The following LAMB1 variants were observed in gnomAD, a reference collection of about 807,000 sequenced individuals.
The protein encoded by LAMB1 is laminin subunit beta 1.
LAMB1 carries 121 observed loss-of-function variants against 222.3 expected under a neutral mutation model. The ratio of observed to expected loss-of-function variants is 0.54; its 90% CI spans 0.47 to 0.63. The LOEUF (loss-of-function observed/expected upper bound fraction) is 0.63, where lower values mean the gene tolerates loss of function less well. Ranked by LOEUF, LAMB1 falls within the 30% of genes least tolerant of loss-of-function variation. The pLI is 0.00. For synonymous variants in LAMB1, 794 were observed against 807.2 expected, an observed-to-expected ratio of 0.98 and a Z score of 0.28; for missense variants, 2,172 against 2,240.8, an observed-to-expected ratio of 0.97 and a Z score of 0.62.
intron 27 of LAMB1, among the ~76,000 whole-genome samples, chr7:107,933,701 G>C (rs928073201): frequency 1.6e-4 from 24 of 152,058 alleles, no homozygotes; most frequent in Non-Finnish European, 2.6e-4. Flanking sequence ...TCTACACAAG[G>C]AAATGGCAGT....
At chr7:107,934,902 T>TAA (rs60067306) in intron 27 of LAMB1, among the ~76,000 whole-genome samples, 2 of 76,814 alleles carry the variant, frequency 2.6e-5, no homozygotes, top group Non-Finnish European at 4.8e-5. Flanking sequence ...TCCATCTCTT[T>TAA]AAAAAAAAAA....
At position 108,001,565 on chromosome 7, in the gene LAMB1, T is replaced by C; in HGVS notation, c.206A>G (p.His69Arg). The change falls in exon 3 of 34, where the codon CAC (histidine) becomes CGC (arginine). Residue 69 changes from histidine (H) to arginine (R), a missense_variant. His to Arg is a conservative substitution (Grantham distance 29). Coordinates refer to ENST00000222399, the MANE Select transcript of LAMB1 (RefSeq NM_002291.3). ...HKPEPYCIVS[H>R]LQEDKKCFIC... ...CCCGCTCTCAGCCCTCACCTGCAAG[T>C]GGCTGACGATACAGTAGGGTTCGGG... 1 of 1,597,866 alleles carries C rather than the reference T, an allele frequency of 6.3e-7. No homozygotes were observed. The highest frequency in any genetic ancestry group is 8.6e-7 in the Non-Finnish European group (1 of 1,168,400).
intron 3 of LAMB1, among the ~76,000 whole-genome samples, chr7:107,999,005 C>G (rs111769935): frequency 1.1e-3 from 172 of 152,332 alleles, no homozygotes; most frequent in African/African-American, 3.7e-3. Context: ...TTCGTTTCCA[C>G]CCTGCCCGAG....
At position 108,002,839 on chromosome 7, in the gene LAMB1, A is replaced by G; in HGVS notation, c.37+10T>C. 1.2e-6 allele frequency: 2 copies of G among 1,614,058 alleles called. No individual in the cohort carries two copies. The highest frequency in any genetic ancestry group is 2.2e-5 in the South Asian group (2 of 91,048). The stretch of plus-strand genomic sequence containing the variant: ...CCGTCCGCCTCCCCGCACCGTTTCC[A>G]CGGAATTACCTAAGAAACTGAAAGC... On this transcript the variant is annotated intron_variant, in intron 2 of 33. Coordinates refer to ENST00000222399, the MANE Select transcript of LAMB1 (RefSeq NM_002291.3).
Position 107,951,987 on chromosome 7 carries a change from A to G in LAMB1, c.3294+22T>C, listed in dbSNP as rs759823880. 4 of 1,590,850 alleles carry G rather than the reference A, an allele frequency of 2.5e-6. No individual in the cohort carries two copies. In the East Asian group the frequency reaches 6.8e-5, roughly 27 times the overall value. ...TGACACCTGAGCTCATAAAGGCATC[A>G]TCCCCAGCAGCAGCCCCTCACCTCA... On this transcript the variant is annotated intron_variant, in intron 23 of 33. Transcript: ENST00000222399.
Position 107,939,972 on chromosome 7 carries a change from G to C in LAMB1, c.3761+17C>G, listed in dbSNP as rs775874130. 1.2e-6 allele frequency: 2 copies of C among 1,605,328 alleles called. No individual in the cohort carries two copies. Among genetic ancestry groups the C allele is most frequent in the Non-Finnish European group, 8.5e-7 (1 of 1,173,926 alleles). ...TTCAGCTTTATGAGTAATTCCTCTG[G>C]CTCATTAACTACTTACTCTGCTTCC... On this transcript the variant is annotated intron_variant, in intron 25 of 33. Transcript: ENST00000222399.
At chr7:108,001,485 C>T in intron 3 of LAMB1, 73 bp downstream of exon 3, 1 of 1,454,988 alleles carries the variant, frequency 6.9e-7, no homozygotes, top group Non-Finnish European at 9.2e-7. Context: ...ATGCGGAGTC[C>T]CCAGGGCCTG....
intron 7 of LAMB1, 81 bp from the exon 8 acceptor site, chr7:107,980,892 T>A: frequency 1.3e-6 from 1 of 797,494 alleles, no homozygotes; most frequent in Non-Finnish European, 2.0e-6. Context: ...CATTTCTTTT[T>A]AGAGAAAGGC....
At chr7:107,943,924 T>C (rs188523728) in intron 24 of LAMB1, among the ~76,000 whole-genome samples, 2 of 152,298 alleles carry the variant, frequency 1.3e-5, no homozygotes, top group East Asian at 3.9e-4. Flanking sequence ...TGTAGGCTGA[T>C]GCACAAATCT....
intron 22 of LAMB1, among the ~76,000 whole-genome samples, chr7:107,953,088 G>A (rs558854667): frequency 2.0e-5 from 3 of 152,334 alleles, no homozygotes; most frequent in East Asian, 1.9e-4. Context: ...CAGGTGCAAC[G>A]GCTCACGCCT....
chr7:107,947,181 G>A (rs2033135824), intron 24 of LAMB1, among the ~76,000 whole-genome samples: 3 of 152,144 alleles, frequency 2.0e-5, no homozygotes, highest in African/African-American at 7.2e-5. Flanking sequence ...AACCCGCCTG[G>A]ACAATAGGAA....
At chr7:107,992,075 T>TACATAGC (rs1328958443) in intron 5 of LAMB1, among the ~76,000 whole-genome samples, 1 of 152,148 alleles carries the variant, frequency 6.6e-6, no homozygotes, top group African/African-American at 2.4e-5. Flanking sequence ...GAGGCAAATC[T>TACATAGC]ACATAGCACT....
chr7:108,000,212 G>T (rs567985948), intron 3 of LAMB1, among the ~76,000 whole-genome samples: 1,836 of 145,038 alleles, frequency 0.013, 33 homozygotes, highest in East Asian at 0.041. Flanking sequence ...AAAAAAAAAA[G>T]TTTAAAAAAG....
In LAMB1 at chr7:107,979,478, T is replaced by C. The variant is rs1584526829; in HGVS notation, c.879+1131A>G. ...CTTGAGCTTCCACCTGCTGCTCATTTACTTAGGGCTCTCTAGTAAATTACT... is the reference window on the plus strand; with the variant it reads ...CTTGAGCTTCCACCTGCTGCTCATTCACTTAGGGCTCTCTAGTAAATTACT... On this transcript the variant is annotated intron_variant, in intron 8 of 33. Coordinates refer to ENST00000222399, the MANE Select transcript of LAMB1 (RefSeq NM_002291.3). Among the ~76,000 whole-genome samples, 3 of 152,320 alleles carry C rather than the reference T, an allele frequency of 2.0e-5. No individual in the cohort carries two copies. The East Asian group carries it at 5.8e-4, about 29-fold the overall frequency.
intron 25 of LAMB1, among the ~76,000 whole-genome samples, chr7:107,938,009 G>A (rs979785502): frequency 6.6e-6 from 1 of 152,044 alleles, no homozygotes; most frequent in Non-Finnish European, 1.5e-5. Context: ...ATATGGGTGT[G>A]TGTGTGCACA....
intron 28 of LAMB1, 153 bp from the exon 29 acceptor site, chr7:107,931,653 A>G (rs1440633472): frequency 4.3e-6 from 3 of 701,254 alleles, no homozygotes; most frequent in African/African-American, 1.8e-5. Context: ...AAAGTATTGT[A>G]TCTTACAGAC....
chr7:107,980,130 C>T (rs577159723), intron 8 of LAMB1, among the ~76,000 whole-genome samples: 3 of 152,130 alleles, frequency 2.0e-5, no homozygotes, highest in African/African-American at 7.2e-5. Context: ...ATTGCTTGAA[C>T]CCAGGATGCG....
At position 107,961,212 on chromosome 7, in the gene LAMB1, G is replaced by A. The variant is rs759604330; in HGVS notation, c.2103C>T (p.Ile701=). The A allele has an allele frequency of 3.5e-5, 57 of 1,613,888 alleles. No homozygotes were observed. The highest frequency in any genetic ancestry group is 8.8e-5 in the South Asian group (8 of 91,060). ...GAAGCAATCTCGCACTTACAGAATC[G>A]ATCAGCGTGTAGGGGCTCTCCACGT... ...DSDVESPYTL[I]DSLVLMPYCK... The change falls in exon 17 of 34, where the codon ATC becomes ATT. Residue 701 remains isoleucine, a synonymous_variant. Transcript: ENST00000222399.
At chr7:107,974,852 GTGCAT>G in intron 12 of LAMB1, 129 bp downstream of exon 12, 1 of 605,216 alleles carries the variant, frequency 1.7e-6, no homozygotes, top group East Asian at 2.7e-5. Context: ...TTCCTATTGT[GTGCAT>G]TGTCTACTCA....
Sources: gnomAD v4.1 joint callset for allele counts (sites outside exome capture counted in the v4.1 genomes callset) on GRCh38, gnomAD v4.1.1 for gene constraint, MANE v1.5 for transcripts, NCBI Gene and HGNC (gene_info 2026-07-23, HGNC 2026-07-21) for gene names.